Variants in STX1A observed in about 807,000 individuals in gnomAD.
STX1A encodes syntaxin-1A.
STX1A carries 4 observed loss-of-function variants against 37.8 expected under a neutral mutation model. That is an observed-to-expected ratio of 0.11 (90% CI 0.05 to 0.24). STX1A has a LOEUF of 0.24. STX1A is among the 10% of genes least tolerant of loss of function. The pLI is 1.00. For synonymous variants in STX1A, 135 were observed against 147.4 expected (o/e 0.92, Z 0.61); for missense variants, 251 against 399.9 (o/e 0.63, Z 3.18).
chr7:73,709,243 A>C lies in STX1A; in HGVS notation c.31-121T>G. On this transcript the variant is annotated intron_variant, in intron 1 of 9. Coordinates refer to ENST00000222812, the MANE Select transcript of STX1A (RefSeq NM_004603.4). The surrounding 1 kb of genome is among the most constrained non-coding windows in gnomAD (Gnocchi z 4.2). ...CCCCTCTCCCTGGGGGCCTCTGGGC[A>C]GGGACAAGAACAGGCCTGGCTGTTC... 1 of 975,204 alleles carries C rather than the reference A, an allele frequency of 1.0e-6. No individual in the cohort carries two copies. The highest frequency in any genetic ancestry group is 1.6e-6 in the Non-Finnish European group (1 of 639,656). The allele number at this position is 975,204 out of a possible 1,614,324, so 60.4% of individuals were successfully genotyped here. A position where few individuals can be genotyped will look rare whatever the true frequency, so the allele number is the denominator to read the frequency against.
chr7:73,704,323 C>A, intron 5 of STX1A, 27 bp downstream of exon 5: 2 of 1,613,958 alleles, frequency 1.2e-6, no homozygotes, highest in Non-Finnish European at 1.7e-6. Flanking sequence ...CTCAGGTGCC[C>A]GCCCATCCTA....
At position 73,703,796 on chromosome 7, in the gene STX1A, C is replaced by T; in HGVS notation, c.499G>A (p.Asp167Asn). The part of the protein sequence containing the change: ...GRTTTSEELE[D>N]MLESGNPAIF... ...GCGGGGTTCCCACTCTCCAGCATGT[C>T]CTCCAGCTCCTCACTGGTCGTGGTC... is the stretch of plus-strand genomic sequence containing the variant. Residue 167 changes from aspartate to asparagine, a missense_variant, in exon 7 of 10, where the codon GAC (aspartate) becomes AAC (asparagine). Coordinates refer to ENST00000222812, the MANE Select transcript of STX1A (RefSeq NM_004603.4). 6.2e-7 allele frequency: 1 copy of T among 1,614,028 alleles called. No individual in the cohort carries two copies. The highest frequency in any genetic ancestry group is 8.5e-7 in the Non-Finnish European group (1 of 1,179,968).
chr7:73,709,166 C>A lies in STX1A; in HGVS notation c.31-44G>T, dbSNP rs1554617585. 2 of 1,580,320 alleles carry A rather than the reference C, an allele frequency of 1.3e-6. No homozygotes were observed. The highest frequency in any genetic ancestry group is 2.7e-5 in the African/African-American group (2 of 74,412). On this transcript the variant is annotated intron_variant, in intron 1 of 9. Transcript: ENST00000222812. This position sits in a 1 kb window ranked among gnomAD's most constrained non-coding sequence, Gnocchi z 4.2. Reference sequence around the variant, plus strand: ...ACATAAGTGGACGTATGTACAGGACCCACCTGTACACACGCAGGTGCCCAG... The same window carrying A: ...ACATAAGTGGACGTATGTACAGGACACACCTGTACACACGCAGGTGCCCAG...
intron 3 of STX1A, among the ~76,000 whole-genome samples, chr7:73,707,632 G>GA (rs1444358934): frequency 1.4e-4 from 22 of 151,952 alleles, no homozygotes; most frequent in Admixed American, 2.0e-4. Flanking sequence ...AGTTCGAAAT[G>GA]AAAAAAAATA....
At chr7:73,703,995 C>T (rs1798769643) in intron 6 of STX1A, 153 bp downstream of exon 6, 1 of 1,056,222 alleles carries the variant, frequency 9.5e-7, no homozygotes. Flanking sequence ...GCCTCAGGCC[C>T]CCGCCCCTCC....
rs1197905965 is a variant in STX1A, at chr7:73,718,000, G to A, written c.30+1602C>T. Reference sequence around the variant, plus strand: ...GACATGCCAGAGGCTATTATCCTATGTAGGGGCCCATGGTTCCCCTGACCA... The same window carrying A: ...GACATGCCAGAGGCTATTATCCTATATAGGGGCCCATGGTTCCCCTGACCA... On this transcript the variant is annotated intron_variant, in intron 1 of 9. Transcript: ENST00000222812. The surrounding 1 kb of genome is among the most constrained non-coding windows in gnomAD (Gnocchi z 4.1). Among the ~76,000 whole-genome samples, 2 of 152,106 alleles carry A rather than the reference G, an allele frequency of 1.3e-5. No individual in the cohort carries two copies. The highest frequency in any genetic ancestry group is 2.9e-5 in the Non-Finnish European group (2 of 68,022).
intron 1 of STX1A, among the ~76,000 whole-genome samples, chr7:73,714,399 C>T (rs1554618402): frequency 3.9e-5 from 6 of 152,016 alleles, no homozygotes; most frequent in South Asian, 2.1e-4. Context: ...TAAGCCACCG[C>T]GCCCAGCTCT....
chr7:73,711,800 C>T (rs953483917), intron 1 of STX1A, among the ~76,000 whole-genome samples: 8 of 152,048 alleles, frequency 5.3e-5, no homozygotes, highest in Admixed American at 1.3e-4. Flanking sequence ...TGGCCAGAGA[C>T]GAGCGTCACT....
At position 73,705,015 on chromosome 7, in the gene STX1A, TG is replaced by T; in HGVS notation, c.283+134del. Reference sequence around the variant, plus strand: ...CCTTGCCAAGTAGCTGCTGAGTGAATGGGCACATGACGCCACCCTCAGAAAG... The same window carrying T: ...CCTTGCCAAGTAGCTGCTGAGTGAATGGCACATGACGCCACCCTCAGAAAG... On this transcript the variant is annotated intron_variant, in intron 4 of 9. Coordinates refer to ENST00000222812, the MANE Select transcript of STX1A (RefSeq NM_004603.4). This position sits in a 1 kb window ranked among gnomAD's most constrained non-coding sequence, Gnocchi z 5.2. The T allele has an allele frequency of 1.2e-6, 1 of 858,996 alleles. No homozygotes were observed. The highest frequency in any genetic ancestry group is 1.9e-6 in the Non-Finnish European group (1 of 515,864). 53.2% of individuals were successfully genotyped at this position (858,996 alleles called of 1,614,324 possible). A position where few individuals can be genotyped will look rare whatever the true frequency, so the allele number is the denominator to read the frequency against.
At chr7:73,713,758 C>T (rs1799186691) in intron 1 of STX1A, among the ~76,000 whole-genome samples, 1 of 152,190 alleles carries the variant, frequency 6.6e-6, no homozygotes, top group Non-Finnish European at 1.5e-5. Flanking sequence ...ACACAGATTT[C>T]TGTGGAATAA....
intron 1 of STX1A, among the ~76,000 whole-genome samples, chr7:73,718,752 G>A (rs1799382791): frequency 6.6e-6 from 1 of 152,096 alleles, no homozygotes; most frequent in African/African-American, 2.4e-5. Context: ...AGGGGTCTCT[G>A]GGCTGGGAGA....
At chr7:73,703,281 T>G (rs936504312) in intron 7 of STX1A, 2 of 548,810 alleles carry the variant, frequency 3.6e-6, no homozygotes, top group South Asian at 1.9e-5. Flanking sequence ...AGAGCCGAAG[T>G]TGACTGCCCC....
At chr7:73,713,171 T>C (rs1190352036) in intron 1 of STX1A, among the ~76,000 whole-genome samples, 1 of 152,216 alleles carries the variant, frequency 6.6e-6, no homozygotes, top group Non-Finnish European at 1.5e-5. Context: ...CCTGGCTCTG[T>C]CGCCCCTGCA....
At position 73,719,660 on chromosome 7, in the gene STX1A, G is replaced by A. The variant is rs1251906861; in HGVS notation, c.-29C>T. 2.6e-6 allele frequency: 3 copies of A among 1,175,944 alleles called. No homozygotes were observed. Among genetic ancestry groups the A allele is most frequent in the Non-Finnish European group, 3.2e-6 (3 of 949,198 alleles). 72.8% of individuals were successfully genotyped at this position (1,175,944 alleles called of 1,614,324 possible). A position where few individuals can be genotyped will look rare whatever the true frequency, so the allele number is the denominator to read the frequency against. ...CCCGGGAGTGGCAGCGGCGCCGGCT[G>A]CAGCCGTGTGAGCCCCGCATGCGCG... On this transcript the variant is annotated 5_prime_UTR_variant, in exon 1 of 10. Transcript: ENST00000222812.
intron 7 of STX1A, chr7:73,703,243 G>T (rs1264829294): frequency 3.5e-6 from 2 of 578,914 alleles, no homozygotes; most frequent in Non-Finnish European, 6.2e-6. Context: ...CGAGTGCTCA[G>T]TGACAGTCCT....
rs1798631362 is a variant in STX1A at position 73,700,969 on chromosome 7, AGC to A, written c.679-131_679-130del. The A allele has an allele frequency of 6.6e-7, 1 of 1,515,208 alleles. No homozygotes were observed. Among genetic ancestry groups the A allele is most frequent in the Non-Finnish European group, 8.8e-7 (1 of 1,133,140 alleles). The allele number at this position is 1,515,208 out of a possible 1,614,324, so 93.9% of individuals were successfully genotyped here. A position where few individuals can be genotyped will look rare whatever the true frequency, so the allele number is the denominator to read the frequency against. ...AGGGGGCGTGAGGAGGTTAGGGTAC[AGC>A]TTCTCACCTGGGCCAGGTACCCTGG... On this transcript the variant is annotated intron_variant, in intron 8 of 9. Transcript: ENST00000222812. This position sits in a 1 kb window ranked among gnomAD's most constrained non-coding sequence, Gnocchi z 4.4.
rs560455488 is a variant in STX1A, at chr7:73,703,011, C to G, written c.541-29G>C. ...GGGGTGGGAGCAGGGGGCTGGGACC[C>G]AGAGGCTTGCTGAGGGGCAGGGCAG... On this transcript the variant is annotated intron_variant, in intron 7 of 9. Transcript: ENST00000222812. The G allele has an allele frequency of 1.2e-4, 175 of 1,476,124 alleles. 1 individual carries two copies. In the Middle Eastern group the frequency reaches 1.6e-3, roughly 14 times the overall value. The allele number at this position is 1,476,124 out of a possible 1,614,324, so 91.4% of individuals were successfully genotyped here.
intron 1 of STX1A, among the ~76,000 whole-genome samples, chr7:73,715,407 C>G (rs868913650): frequency 6.6e-6 from 1 of 151,374 alleles, no homozygotes. Flanking sequence ...GGAGACAGTG[C>G]GAGACTCCGT....
chr7:73,704,043 C>G, intron 6 of STX1A, 105 bp downstream of exon 6: 1 of 1,334,738 alleles, frequency 7.5e-7, no homozygotes, highest in South Asian at 1.4e-5. Context: ...CCACCCGCCT[C>G]GGGCCCCTAA....
Sources: allele counts gnomAD v4.1 joint callset (sites outside exome capture counted in the v4.1 genomes callset), GRCh38; gene constraint gnomAD v4.1.1; non-coding constraint Gnocchi (gnomAD v3.1); transcripts MANE v1.5; gene names NCBI Gene and HGNC (gene_info 2026-07-23, HGNC 2026-07-21).